DDC: variants seen among roughly 807,000 people sequenced by gnomAD.
DDC encodes aromatic-L-amino-acid decarboxylase.
A neutral mutation model predicts 60.0 loss-of-function variants in DDC; 43 were observed. The observed-to-expected ratio is 0.72, with a 90% confidence interval of 0.56 to 0.92. The LOEUF is 0.92. Ranked by LOEUF, DDC falls within the 40% of genes least tolerant of loss-of-function variation. The probability of loss-of-function intolerance (pLI) is 0.00; values close to 1 mark genes in which losing one functional copy is unlikely to be tolerated. For synonymous variants in DDC, 232 were observed against 234.6 expected, an observed-to-expected ratio of 0.99 and a Z score of 0.10; for missense variants, 573 against 620.2, an observed-to-expected ratio of 0.92 and a Z score of 0.81.
At chr7:50,479,670 C>T in intron 10 of DDC, 117 bp downstream of exon 10, 1 of 931,826 alleles carries the variant, frequency 1.1e-6, no homozygotes, top group Non-Finnish European at 1.8e-6. Context: ...ACCCCGTCTT[C>T]TCTGTGAAAG....
intron 1 of DDC, among the ~76,000 whole-genome samples, chr7:50,558,084 C>G (rs569698609): frequency 1.4e-4 from 21 of 151,596 alleles, no homozygotes; most frequent in Non-Finnish European, 2.8e-4. Context: ...ATCACCCCCC[C>G]CCTTACAAAT....
chr7:50,479,779 C>T lies in DDC; in HGVS notation c.1021+8G>A. 1 of 1,612,954 alleles carries T rather than the reference C, an allele frequency of 6.2e-7. No homozygotes were observed. Among genetic ancestry groups the T allele is most frequent in the Non-Finnish European group, 8.5e-7 (1 of 1,179,510 alleles). ...AAACAGTCCACAGAAAGCAGGCTCA[C>T]AGCTTACCTGAATCCTGATGGCTGT... On this transcript the variant is annotated splice_region_variant and intron_variant, in intron 10 of 14. Transcript: ENST00000444124.
In DDC at chr7:50,466,434, G is replaced by A. The variant is rs184704136; in HGVS notation, c.1242+780C>T. Among the ~76,000 whole-genome samples, 6 of 144,270 alleles carry A rather than the reference G, an allele frequency of 4.2e-5. No individual in the cohort carries two copies. In the East Asian group the frequency reaches 8.5e-4, roughly 21 times the overall value. 94.6% of individuals were successfully genotyped at this position (144,270 alleles called of 152,430 possible). A position where few individuals can be genotyped will look rare whatever the true frequency, so the allele number is the denominator to read the frequency against. ...CGGGAGGCAGAGGTTGCAGTGAGCC[G>A]AGATTACACCACTGCACTCCAGCCT... On this transcript the variant is annotated intron_variant, in intron 13 of 14. Transcript: ENST00000444124.
chr7:50,463,306 T>C lies in DDC; in HGVS notation c.1368A>G (p.Glu456=), dbSNP rs780345084. ...LRFAICSRTV[E]SAHVQRAWEH... is the part of the protein sequence containing the mutation. ...CCCAGGCCCGCTGCACATGGGCAGA[T>C]TCCACCGTGCGAGAACAGATGGCAA... Residue 456 remains glutamate (E), a synonymous_variant, in exon 14 of 15, where the codon GAA becomes GAG. Coordinates refer to ENST00000444124, the MANE Select transcript of DDC (RefSeq NM_001082971.2). 2 of 1,614,252 alleles carry C rather than the reference T, an allele frequency of 1.2e-6. No individual in the cohort carries two copies. The highest frequency in any genetic ancestry group is 8.5e-7 in the Non-Finnish European group (1 of 1,180,044).
chr7:50,530,656 G>A (rs1327930170), intron 4 of DDC, among the ~76,000 whole-genome samples: 2 of 150,474 alleles, frequency 1.3e-5, no homozygotes, highest in African/African-American at 4.9e-5. Context: ...GTGAGCCCAC[G>A]CCTGCGCTTT....
chr7:50,462,286 A>G (rs1462713312), intron 14 of DDC, among the ~76,000 whole-genome samples: 2 of 151,628 alleles, frequency 1.3e-5, no homozygotes, highest in African/African-American at 4.8e-5. Flanking sequence ...CCCCAACAGG[A>G]TGACATTCTT....
At chr7:50,528,967 G>A (rs1339485700) in intron 5 of DDC, among the ~76,000 whole-genome samples, 1 of 152,158 alleles carries the variant, frequency 6.6e-6, no homozygotes, top group Admixed American at 6.5e-5. Flanking sequence ...GTCCGCACTG[G>A]TAGAAAAGGT....
At chr7:50,498,459 G>A (rs2043172972) in intron 8 of DDC, among the ~76,000 whole-genome samples, 1 of 152,236 alleles carries the variant, frequency 6.6e-6, no homozygotes, top group Non-Finnish European at 1.5e-5. Context: ...TTGGGGAGAA[G>A]AGACTTCCTA....
Position 50,495,433 on chromosome 7 carries a change from A to G in DDC, c.877-16T>C. The G allele has an allele frequency of 6.3e-7, 1 of 1,580,202 alleles. No individual in the cohort carries two copies. ...AATCTGCAAACTGCCAAAGAACAAGAGTAAGAAAAAGAAAACATTTTCTTT... is the reference window on the plus strand; with the variant it reads ...AATCTGCAAACTGCCAAAGAACAAGGGTAAGAAAAAGAAAACATTTTCTTT... On this transcript the variant is annotated splice_polypyrimidine_tract_variant and intron_variant, in intron 8 of 14. Transcript: ENST00000444124.
At chr7:50,522,499 C>G (rs1340023087) in intron 6 of DDC, among the ~76,000 whole-genome samples, 3 of 152,146 alleles carry the variant, frequency 2.0e-5, no homozygotes, top group Non-Finnish European at 4.4e-5. Context: ...TCTGACATGA[C>G]ACTACCCAAA....
chr7:50,560,777 CA>C (rs2045326108), intron 1 of DDC, among the ~76,000 whole-genome samples: 3 of 152,116 alleles, frequency 2.0e-5, no homozygotes, highest in Admixed American at 6.5e-5. Flanking sequence ...GCAGATAGCA[CA>C]AAAAAGCAAG....
chr7:50,531,580 G>C (rs531278372), intron 4 of DDC, among the ~76,000 whole-genome samples: 2 of 151,988 alleles, frequency 1.3e-5, no homozygotes, highest in Non-Finnish European at 2.9e-5. Flanking sequence ...TTTTCTCTGG[G>C]GGGGGATGGG....
chr7:50,557,617 G>T (rs971271334), intron 1 of DDC, among the ~76,000 whole-genome samples: 4 of 152,170 alleles, frequency 2.6e-5, no homozygotes, highest in Admixed American at 1.3e-4. Context: ...AAGGGCTGCT[G>T]AGTGGGGATT....
chr7:50,466,111 T>TGACCCC (rs1447177019), intron 13 of DDC, among the ~76,000 whole-genome samples: 1 of 152,182 alleles, frequency 6.6e-6, no homozygotes, highest in Non-Finnish European at 1.5e-5. Context: ...ACAATGACAC[T>TGACCCC]GACCCCAGCC....
intron 12 of DDC, 63 bp downstream of exon 12, chr7:50,470,010 T>G: frequency 9.2e-7 from 1 of 1,088,272 alleles, no homozygotes. Flanking sequence ...AATTTGAATT[T>G]ATTTCTAAAG....
At chr7:50,504,240 A>G (rs11575374) in intron 6 of DDC, among the ~76,000 whole-genome samples, 181 bp from the exon 7 acceptor site, 1 of 152,338 alleles carries the variant, frequency 6.6e-6, no homozygotes, top group Non-Finnish European at 1.5e-5. Flanking sequence ...TGAAAGCATC[A>G]TAACAGGTTA....
intron 13 of DDC, among the ~76,000 whole-genome samples, chr7:50,464,007 A>G (rs2042342005): frequency 6.6e-6 from 1 of 151,906 alleles, no homozygotes. Flanking sequence ...TCAATAAGCC[A>G]ATGGGAAGCC....
At chr7:50,553,314 G>A (rs938289325) in intron 1 of DDC, among the ~76,000 whole-genome samples, 3 of 152,018 alleles carry the variant, frequency 2.0e-5, no homozygotes, top group Non-Finnish European at 4.4e-5. Flanking sequence ...CACTATTCCA[G>A]TAAAAAGGAG....
intron 9 of DDC, chr7:50,493,028 A>C: frequency 6.4e-7 from 1 of 1,566,108 alleles, no homozygotes; most frequent in Non-Finnish European, 8.7e-7. Context: ...CGCCGCATTC[A>C]TTACACTCCT....
Sources: gnomAD v4.1 joint callset for allele counts (sites outside exome capture counted in the v4.1 genomes callset) on GRCh38, gnomAD v4.1.1 for gene constraint, MANE v1.5 for transcripts, NCBI Gene and HGNC (gene_info 2026-07-23, HGNC 2026-07-21) for gene names.